The following ENTPD3 variants were observed in gnomAD, a reference collection of about 807,000 sequenced individuals.
The protein encoded by ENTPD3 is ectonucleoside triphosphate diphosphohydrolase 3, also known as CD39 antigen-like 3.
Under a neutral mutation model 51.2 loss-of-function variants are expected in ENTPD3, and 60 were observed. That is an observed-to-expected ratio of 1.17 (90% confidence interval 0.95 to 1.45). The LOEUF is 1.45. Among genes scored for constraint, ENTPD3 ranks in the 40% most tolerant of loss-of-function variants. The pLI is 0.00. For synonymous variants in ENTPD3, 221 were observed against 238.4 expected (o/e 0.93, Z 0.67); for missense variants, 593 against 641.1 (o/e 0.93, Z 0.81).
intron 4 of ENTPD3, among the ~76,000 whole-genome samples, chr3:40,403,077 C>T (rs1955407642): frequency 6.6e-6 from 1 of 152,140 alleles, no homozygotes; most frequent in African/African-American, 2.4e-5. Context: ...TTGTTTCCCT[C>T]CGTGAGCTGC....
intron 3 of ENTPD3, among the ~76,000 whole-genome samples, chr3:40,397,828 T>A (rs1205748238): frequency 2.0e-5 from 3 of 152,182 alleles, no homozygotes; most frequent in Non-Finnish European, 4.4e-5. Flanking sequence ...GACTGCTTCC[T>A]TTCAGTTAAT....
At chr3:40,397,495 G>GTATGATATGA (rs142781279) in intron 3 of ENTPD3, among the ~76,000 whole-genome samples, 83 of 151,904 alleles carry the variant, frequency 5.5e-4, no homozygotes, top group African/African-American at 1.9e-3. Flanking sequence ...GTGTCGAATG[G>GTATGATATGA]TATGATATGA....
At chr3:40,395,384 C>T (rs1256451064) in intron 3 of ENTPD3, among the ~76,000 whole-genome samples, 3 of 152,186 alleles carry the variant, frequency 2.0e-5, no homozygotes, top group Non-Finnish European at 2.9e-5. Flanking sequence ...AAGGAGAAAA[C>T]CACACATGTT....
chr3:40,418,324 T>C (rs1429500885), intron 7 of ENTPD3, among the ~76,000 whole-genome samples: 1 of 152,204 alleles, frequency 6.6e-6, no homozygotes, highest in Admixed American at 6.5e-5. Flanking sequence ...AACAGTTTCA[T>C]AGGTCAAATA....
At chr3:40,392,319 G>T in intron 3 of ENTPD3, 169 bp downstream of exon 3, 2 of 716,832 alleles carry the variant, frequency 2.8e-6, no homozygotes, top group South Asian at 2.1e-5. Context: ...GACATGCTGG[G>T]TTTGTGATAT....
At chr3:40,397,036 C>A (rs140459160) in intron 3 of ENTPD3, among the ~76,000 whole-genome samples, 1 of 151,540 alleles carries the variant, frequency 6.6e-6, no homozygotes, top group Non-Finnish European at 1.5e-5. Flanking sequence ...CCTCATTGAG[C>A]CTTGCTCATC....
Position 40,411,199 on chromosome 3 carries a change from G to A in ENTPD3, c.287-613G>A, listed in dbSNP as rs1955621105. Among the ~76,000 whole-genome samples, 3 of 151,578 alleles carry A rather than the reference G, an allele frequency of 2.0e-5. No homozygotes were observed. In the South Asian group the frequency reaches 6.3e-4, roughly 32 times the overall value. Reference sequence around the variant, plus strand: ...CCAGCTACTCATGAAACTGAGGCAGGAGAATCACTTGAACCTGGGAGGTGG... The same window carrying A: ...CCAGCTACTCATGAAACTGAGGCAGAAGAATCACTTGAACCTGGGAGGTGG... On this transcript the variant is annotated intron_variant, in intron 4 of 10. Coordinates refer to ENST00000301825, the MANE Select transcript of ENTPD3 (RefSeq NM_001248.4).
rs1955913603 is a variant in ENTPD3 at position 40,423,110 on chromosome 3, AGGGCCATTTGTG to A, written c.1094_1104+1del. 1 of 1,612,090 alleles carries A rather than the reference AGGGCCATTTGTG, an allele frequency of 6.2e-7. No individual in the cohort carries two copies. The highest frequency in any genetic ancestry group is 2.2e-5 in the East Asian group (1 of 44,862). ...ATGGGGTTTATCAGCCAAAGATTAAAGGGCCATTTGTGGTAAGAGCAAAACCTTCTGAAAGAT... is the reference window on the plus strand; with the variant it reads ...ATGGGGTTTATCAGCCAAAGATTAAAGTAAGAGCAAAACCTTCTGAAAGAT... On this transcript the variant is annotated inframe_deletion and splice_region_variant, in exon 8 of 11. Coordinates refer to ENST00000301825, the MANE Select transcript of ENTPD3 (RefSeq NM_001248.4).
intron 1 of ENTPD3, 103 bp from the exon 2 acceptor site, chr3:40,387,943 T>G: frequency 3.3e-6 from 3 of 898,616 alleles, no homozygotes; most frequent in Non-Finnish European, 5.5e-6. Flanking sequence ...AGGTTTTGAT[T>G]TGGAGGAAGT....
intron 10 of ENTPD3, among the ~76,000 whole-genome samples, chr3:40,426,685 G>A (rs1955991904): frequency 6.6e-6 from 1 of 152,002 alleles, no homozygotes; most frequent in African/African-American, 2.4e-5. Flanking sequence ...AAAGAAAGCT[G>A]GTATAACTAT....
chr3:40,390,752 T>A (rs1253798829), intron 2 of ENTPD3, among the ~76,000 whole-genome samples: 1 of 152,186 alleles, frequency 6.6e-6, no homozygotes, highest in Non-Finnish European at 1.5e-5. Flanking sequence ...AAAGGTTTGA[T>A]GAGTTTTGAC....
chr3:40,401,969 GT>G (rs1334996272), intron 4 of ENTPD3, among the ~76,000 whole-genome samples: 9 of 151,608 alleles, frequency 5.9e-5, no homozygotes, highest in African/African-American at 1.2e-4. Context: ...TAGTGTTTCT[GT>G]TTTTTAAAAC....
intron 4 of ENTPD3, among the ~76,000 whole-genome samples, chr3:40,401,599 T>TGATGGC (rs1467630343): frequency 6.6e-6 from 1 of 152,210 alleles, no homozygotes; most frequent in African/African-American, 2.4e-5. Context: ...TCCTGTGTAT[T>TGATGGC]GATGGCGAGG....
intron 4 of ENTPD3, among the ~76,000 whole-genome samples, chr3:40,410,212 G>A (rs546311154): frequency 3.3e-5 from 5 of 152,198 alleles, no homozygotes; most frequent in Admixed American, 2.0e-4. Flanking sequence ...AGGCTGAAGC[G>A]GGTGGATCAC....
chr3:40,403,915 C>A (rs1451936397), intron 4 of ENTPD3, among the ~76,000 whole-genome samples: 4 of 152,118 alleles, frequency 2.6e-5, no homozygotes, highest in African/African-American at 4.8e-5. Flanking sequence ...TCCCAAAGTG[C>A]TGAGATTACA....
intron 3 of ENTPD3, among the ~76,000 whole-genome samples, chr3:40,395,015 G>T (rs1955163470): frequency 6.6e-6 from 1 of 152,180 alleles, no homozygotes; most frequent in African/African-American, 2.4e-5. Flanking sequence ...CCTCCAGAAG[G>T]TGGACATCAC....
At chr3:40,389,494 G>A (rs1282331030) in intron 2 of ENTPD3, among the ~76,000 whole-genome samples, 1 of 152,108 alleles carries the variant, frequency 6.6e-6, no homozygotes, top group African/African-American at 2.4e-5. Context: ...TAGTTCTGTG[G>A]GATAACTTCC....
chr3:40,407,892 T>C (rs1221073601), intron 4 of ENTPD3, among the ~76,000 whole-genome samples: 4 of 152,306 alleles, frequency 2.6e-5, no homozygotes, highest in South Asian at 4.2e-4. Context: ...AGTGCGGTGA[T>C]GTACACTAGG....
rs757999845 is a variant in ENTPD3 at position 40,411,978 on chromosome 3, C to T, written c.437+16C>T. ...GCTTGCTGAGGTAAAGGCTAAGTGG[C>T]ACAAAGGAGCCCATTTGACCAAAAT... On this transcript the variant is annotated intron_variant, in intron 5 of 10. Transcript: ENST00000301825. 1 of 1,601,988 alleles carries T rather than the reference C, an allele frequency of 6.2e-7. No individual in the cohort carries two copies. Among genetic ancestry groups the T allele is most frequent in the Non-Finnish European group, 8.5e-7 (1 of 1,175,120 alleles).
Sources: gnomAD v4.1 joint callset for allele counts (sites outside exome capture counted in the v4.1 genomes callset) on GRCh38, gnomAD v4.1.1 for gene constraint, MANE v1.5 for transcripts, NCBI Gene and HGNC (gene_info 2026-07-23, HGNC 2026-07-21) for gene names.